Variants in CAPN8 observed in about 807,000 individuals in gnomAD.
CAPN8 encodes calpain 8, also known as calpain-8.
A neutral mutation model predicts 80.9 loss-of-function variants in CAPN8; 87 were observed. The observed-to-expected ratio is 1.07, with a 90% CI of 0.90 to 1.28. CAPN8 has a LOEUF of 1.28. CAPN8 is among the 50% of genes most tolerant of loss of function. The pLI is 0.00. For missense variants in CAPN8, 757 were observed against 702.0 expected (o/e 1.08, Z -0.89); for synonymous variants, 299 against 273.8 (o/e 1.09, Z -0.91).
chr1:223,642,222 A>C (rs2102725810), intron 2 of CAPN8, among the ~76,000 whole-genome samples: 1 of 152,368 alleles, frequency 6.6e-6, no homozygotes, highest in South Asian at 2.1e-4. Context: ...TAAGAGTTTC[A>C]AAGATTAGCC....
chr1:223,541,850 A>C lies in CAPN8; in HGVS notation c.2098T>G (p.Cys700Gly). Residue 700 changes from cysteine (C) to glycine (G), a missense_variant, in exon 21 of 21, where the codon TGC becomes GGC. Transcript: ENST00000366872. ...GAAACCCCGGGTCAGACCAACACGC[A>C]GCACAGCCACTGCAAAGGAAAGGGA... is the stretch of plus-strand genomic sequence containing the variant. ...VQLSLAEWLC[C>G]VLV is the part of the protein sequence containing the mutation. The C allele has an allele frequency of 1.3e-6, 2 of 1,549,936 alleles. No homozygotes were observed. The highest frequency in any genetic ancestry group is 1.7e-6 in the Non-Finnish European group (2 of 1,146,688).
At chr1:223,609,907 G>C (rs1656988941) in intron 11 of CAPN8, among the ~76,000 whole-genome samples, 2 of 152,214 alleles carry the variant, frequency 1.3e-5, no homozygotes, top group African/African-American at 4.8e-5. Flanking sequence ...ACAGGCAGAG[G>C]GGGCGGCCAC....
chr1:223,643,509 C>T (rs1216166530), intron 2 of CAPN8, among the ~76,000 whole-genome samples: 2 of 152,130 alleles, frequency 1.3e-5, no homozygotes, highest in Non-Finnish European at 2.9e-5. Flanking sequence ...TACTTTGAGG[C>T]TGGGAAAATA....
intron 2 of CAPN8, among the ~76,000 whole-genome samples, chr1:223,645,112 A>G (rs565256336): frequency 5.9e-5 from 9 of 152,318 alleles, no homozygotes; most frequent in African/African-American, 2.2e-4. Flanking sequence ...ACCCTGGCAA[A>G]CCACGGGTGT....
chr1:223,619,203 C>A, intron 9 of CAPN8, 90 bp downstream of exon 9: 1 of 1,467,326 alleles, frequency 6.8e-7, no homozygotes, highest in South Asian at 1.3e-5. Context: ...CAAAAAAACA[C>A]ACAAAATAGC....
At chr1:223,653,472 G>A (rs914844766) in intron 2 of CAPN8, among the ~76,000 whole-genome samples, 2 of 152,024 alleles carry the variant, frequency 1.3e-5, no homozygotes, top group East Asian at 1.9e-4. Context: ...GTGGCGGGGG[G>A]TGGTGATGGG....
chr1:223,648,149 T>C (rs1429409332), intron 2 of CAPN8, among the ~76,000 whole-genome samples: 1 of 151,712 alleles, frequency 6.6e-6, no homozygotes, highest in Non-Finnish European at 1.5e-5. Context: ...GAAAGGAGAG[T>C]GGTGTTAGTG....
intron 10 of CAPN8, among the ~76,000 whole-genome samples, chr1:223,614,537 C>T (rs1657116486): frequency 6.6e-6 from 1 of 152,182 alleles, no homozygotes; most frequent in Non-Finnish European, 1.5e-5. Context: ...CTGGAATGTT[C>T]TCCCTTGAAA....
chr1:223,654,842 A>ATTTTTTTTTTTTTTT (rs35365292), intron 1 of CAPN8, among the ~76,000 whole-genome samples: 18 of 111,736 alleles, frequency 1.6e-4, no homozygotes, highest in East Asian at 5.2e-4. Flanking sequence ...CACCCGGCTA[A>ATTTTTTTTTTTTTTT]TTTTTTTTTT....
rs201475694 is a variant in CAPN8, at chr1:223,625,112, T to TA, written c.813+692dup. Among the ~76,000 whole-genome samples the TA allele has an allele frequency of 7.6e-3, 1,153 of 151,566 alleles. 14 individuals are homozygous for TA. Among genetic ancestry groups the TA allele is most frequent in the African/African-American group, 0.025 (1,054 of 41,338 alleles). On this transcript the variant is annotated intron_variant, in intron 6 of 20. Coordinates refer to ENST00000366872, the MANE Select transcript of CAPN8 (RefSeq NM_001143962.2). Reference sequence around the variant, plus strand: ...CGTCTCAAAAAATAAAAAATAAAAATAAAAAAAAATAATGACTAGTATAGC... The same window carrying TA: ...CGTCTCAAAAAATAAAAAATAAAAATAAAAAAAAAATAATGACTAGTATAGC...
At chr1:223,558,775 T>TGTGTGTGGTATGTA (rs1386328842) in intron 12 of CAPN8, among the ~76,000 whole-genome samples, 1 of 150,396 alleles carries the variant, frequency 6.6e-6, no homozygotes, top group Non-Finnish European at 1.5e-5. Context: ...GTGTGTTTGG[T>TGTGTGTGGTATGTA]GTGTGTGGTA....
At chr1:223,620,109 G>A (rs1182285585) in intron 8 of CAPN8, 83 bp downstream of exon 8, 50 of 1,170,530 alleles carry the variant, frequency 4.3e-5, no homozygotes, top group Non-Finnish European at 6.1e-5. Flanking sequence ...CTTCCTGGAA[G>A]ACCCAGAGAC....
intron 2 of CAPN8, among the ~76,000 whole-genome samples, chr1:223,647,845 G>C (rs1352850137): frequency 6.6e-6 from 1 of 152,082 alleles, no homozygotes; most frequent in Non-Finnish European, 1.5e-5. Context: ...TTTGGAGAGG[G>C]GCCTGATAGA....
intron 13 of CAPN8, among the ~76,000 whole-genome samples, chr1:223,555,915 G>A: frequency 6.6e-6 from 1 of 152,336 alleles, no homozygotes; most frequent in East Asian, 1.9e-4. Context: ...ATGCAATGGT[G>A]AACAAGGCGT....
chr1:223,622,941 C>T (rs185369702), intron 6 of CAPN8, 41 bp from the exon 7 acceptor site: 15 of 1,482,066 alleles, frequency 1.0e-5, no homozygotes, highest in Middle Eastern at 1.7e-4. Flanking sequence ...AATTACTATG[C>T]TCCTGTTGCC....
In CAPN8 at chr1:223,618,194, T is replaced by G. The variant is rs554248002; in HGVS notation, c.1135+1099A>C. ...GAAAAGTAGAGAGAGCAGGATTTGCTTTTCTTCATTTCTCCTTAGAGATGT... is the reference window on the plus strand; with the variant it reads ...GAAAAGTAGAGAGAGCAGGATTTGCGTTTCTTCATTTCTCCTTAGAGATGT... On this transcript the variant is annotated intron_variant, in intron 9 of 20. Transcript: ENST00000366872. 676 of 1,547,264 alleles carry G rather than the reference T, an allele frequency of 4.4e-4. 16 individuals are homozygous for G. In the South Asian group the frequency reaches 7.7e-3, roughly 18 times the overall value.
intron 1 of CAPN8, among the ~76,000 whole-genome samples, chr1:223,658,689 C>A (rs1390650761): frequency 1.3e-5 from 2 of 152,118 alleles, no homozygotes; most frequent in East Asian, 3.9e-4. Flanking sequence ...ACCTGTAATC[C>A]CAGCTACCCA....
intron 15 of CAPN8, 182 bp from the exon 16 acceptor site, chr1:223,549,564 C>A (rs747506826): frequency 2.2e-6 from 2 of 900,046 alleles, no homozygotes; most frequent in East Asian, 2.6e-5. Flanking sequence ...CTCCTGGTGC[C>A]GTGGGAGATA....
chr1:223,611,777 G>T (rs1260647799), intron 11 of CAPN8, among the ~76,000 whole-genome samples: 1 of 152,228 alleles, frequency 6.6e-6, no homozygotes, highest in Non-Finnish European at 1.5e-5. Context: ...CCAGTAATCT[G>T]CAGCCTTGGA....
Sources: gnomAD v4.1 joint callset for allele counts (sites outside exome capture counted in the v4.1 genomes callset) on GRCh38, gnomAD v4.1.1 for gene constraint, MANE v1.5 for transcripts, NCBI Gene and HGNC (gene_info 2026-07-23, HGNC 2026-07-21) for gene names.